Variants in BDNF observed in about 807,000 individuals in gnomAD.
BDNF encodes neurotrophic factor BDNF precursor form.
A neutral mutation model predicts 19.5 loss-of-function variants in BDNF; 1 was observed. The observed-to-expected ratio is 0.05, with a 90% confidence interval of 0.02 to 0.24. The LOEUF is 0.24. Among genes scored for constraint, BDNF ranks in the 10% least tolerant of loss-of-function variants. BDNF has a pLI of 1.00. For synonymous variants in BDNF, 100 were observed against 121.6 expected (o/e 0.82, Z 1.17); for missense variants, 195 against 317.6 (o/e 0.61, Z 2.93).
intron 1 of BDNF, among the ~76,000 whole-genome samples, chr11:27,709,121 G>A (rs1018572406): frequency 1.1e-4 from 17 of 152,130 alleles, no homozygotes; most frequent in African/African-American, 3.6e-4. Context: ...GAGCCACCGC[G>A]CCTGGCTAGA....
chr11:27,666,928 G>T (rs1854450675), intron 1 of BDNF, among the ~76,000 whole-genome samples: 2 of 152,036 alleles, frequency 1.3e-5, no homozygotes, highest in South Asian at 4.2e-4. Context: ...ATGCCGCAAA[G>T]ATACTCCTCA....
At chr11:27,699,656 A>T in intron 1 of BDNF, 1 of 1,428,020 alleles carries the variant, frequency 7.0e-7, no homozygotes, top group Non-Finnish European at 9.1e-7. Flanking sequence ...CCTGGGGAGC[A>T]GGTAGCCGTG....
chr11:27,658,658 T>C lies in BDNF; in HGVS notation c.-21-73A>G. On this transcript the variant is annotated intron_variant, in intron 1 of 1. Transcript: ENST00000356660. This position sits in a 1 kb window ranked among gnomAD's most constrained non-coding sequence, Gnocchi z 5.7. ...TTTCACCGGGATGCCATGTGGCCCA[T>C]CTGATTGTAATTCCAGGCCATTCTG... 6.2e-7 allele frequency: 1 copy of C among 1,612,964 alleles called. No homozygotes were observed. Among genetic ancestry groups the C allele is most frequent in the Admixed American group, 1.7e-5 (1 of 59,914 alleles).
chr11:27,656,964 G>GA lies in BDNF; in HGVS notation c.*856dup. ...AGAGGAGACCAGAGGGGGAGGGGGGGAAAGAATGTGTTCTGAGCAAACATA... is the reference window on the plus strand; with the variant it reads ...AGAGGAGACCAGAGGGGGAGGGGGGGAAAAGAATGTGTTCTGAGCAAACATA... On this transcript the variant is annotated 3_prime_UTR_variant, in exon 2 of 2. Coordinates refer to ENST00000356660, the MANE Select transcript of BDNF (RefSeq NM_001709.5). 1.0e-6 allele frequency: 1 copy of GA among 985,280 alleles called. No homozygotes were observed. Among genetic ancestry groups the GA allele is most frequent in the Non-Finnish European group, 1.2e-6 (1 of 829,912 alleles). The allele number at this position is 985,280 out of a possible 1,614,324, so 61.0% of individuals were successfully genotyped here.
intron 1 of BDNF, among the ~76,000 whole-genome samples, chr11:27,662,533 G>A (rs1320204330): frequency 6.6e-6 from 1 of 152,162 alleles, no homozygotes; most frequent in Non-Finnish European, 1.5e-5. Flanking sequence ...TTGGCAGCAG[G>A]AACCAGTTTT....
intron 1 of BDNF, among the ~76,000 whole-genome samples, chr11:27,685,877 TG>T (rs1204452503): frequency 6.7e-6 from 1 of 149,998 alleles, no homozygotes; most frequent in Admixed American, 6.7e-5. Flanking sequence ...TATATTCTGT[TG>T]ATATGGGGTG....
intron 1 of BDNF, among the ~76,000 whole-genome samples, chr11:27,711,893 T>C (rs1013588854): frequency 2.2e-4 from 34 of 152,320 alleles, no homozygotes; most frequent in South Asian, 2.1e-4. Context: ...TCTTAAGCAA[T>C]GCTGAGTTAA....
At chr11:27,712,840 G>A (rs1860388439) in intron 1 of BDNF, among the ~76,000 whole-genome samples, 1 of 151,316 alleles carries the variant, frequency 6.6e-6, no homozygotes, top group African/African-American at 2.4e-5. Context: ...TATGAGAAGG[G>A]TTTACATAAG....
intron 1 of BDNF, among the ~76,000 whole-genome samples, chr11:27,682,117 G>C (rs1244558672): frequency 6.6e-6 from 1 of 152,084 alleles, no homozygotes; most frequent in African/African-American, 2.4e-5. Flanking sequence ...TCTAATGCAA[G>C]TACTTGGATA....
At chr11:27,699,824 T>A (rs931622259) in intron 1 of BDNF, among the ~76,000 whole-genome samples, 8 of 152,048 alleles carry the variant, frequency 5.3e-5, no homozygotes, top group African/African-American at 1.9e-4. Context: ...GCCCCCTAAG[T>A]CTCTCTCGAC....
chr11:27,668,667 T>A (rs1297638386), intron 1 of BDNF, among the ~76,000 whole-genome samples: 2 of 151,984 alleles, frequency 1.3e-5, no homozygotes, highest in Non-Finnish European at 2.9e-5. Context: ...CTAAAAGAAA[T>A]TTATAAATTC....
At chr11:27,689,365 A>G (rs950991107) in intron 1 of BDNF, among the ~76,000 whole-genome samples, 7 of 152,344 alleles carry the variant, frequency 4.6e-5, no homozygotes, top group Admixed American at 3.9e-4. Context: ...ATGTCTGCCA[A>G]TCTTTTTTAT....
chr11:27,700,800 T>A (rs1254834789), upstream of BDNF: 22 of 1,205,458 alleles, frequency 1.8e-5, no homozygotes, highest in Non-Finnish European at 2.3e-5. Context: ...GAACCCCGCG[T>A]CCCGCGCCCT....
intron 1 of BDNF, among the ~76,000 whole-genome samples, chr11:27,672,892 T>C (rs983013992): frequency 6.6e-6 from 1 of 152,176 alleles, no homozygotes; most frequent in African/African-American, 2.4e-5. Context: ...ACTGGTCCAC[T>C]GTTCAGGCTT....
At chr11:27,707,947 C>T (rs778270686) in intron 1 of BDNF, among the ~76,000 whole-genome samples, 4 of 152,110 alleles carry the variant, frequency 2.6e-5, no homozygotes, top group Admixed American at 6.6e-5. Flanking sequence ...ATTTCTGAGA[C>T]ACAAACTAAG....
chr11:27,711,516 G>C (rs377044525), intron 1 of BDNF, among the ~76,000 whole-genome samples: 2 of 152,196 alleles, frequency 1.3e-5, no homozygotes, highest in Non-Finnish European at 2.9e-5. Flanking sequence ...AAGAAAATGT[G>C]TATGTAAACC....
intron 1 of BDNF, among the ~76,000 whole-genome samples, chr11:27,672,522 G>C (rs1723324374): frequency 6.6e-6 from 1 of 152,102 alleles, no homozygotes; most frequent in African/African-American, 2.4e-5. Flanking sequence ...GACTTGTCCT[G>C]AAACCAACAG....
In BDNF at chr11:27,657,710, T is replaced by C. The variant is rs1852758259; in HGVS notation, c.*111A>G. ...GTACTGTATAAACTTCATTTATACA[T>C]GCAGTTCATAAAATTATTTTTTTCT... On this transcript the variant is annotated 3_prime_UTR_variant, in exon 2 of 2. Transcript: ENST00000356660. The surrounding 1 kb of genome is among the most constrained non-coding windows in gnomAD (Gnocchi z 5.0). The C allele has an allele frequency of 6.6e-7, 1 of 1,524,430 alleles. No individual in the cohort carries two copies. Among genetic ancestry groups the C allele is most frequent in the Admixed American group, 2.0e-5 (1 of 50,506 alleles). 94.4% of individuals were successfully genotyped at this position (1,524,430 alleles called of 1,614,324 possible).
intron 1 of BDNF, chr11:27,659,050 C>T: frequency 3.8e-6 from 4 of 1,044,342 alleles, no homozygotes; most frequent in East Asian, 9.4e-5. Flanking sequence ...ACAGCAGTGG[C>T]CTGAGGGGTC....
Sources: allele counts gnomAD v4.1 joint callset (sites outside exome capture counted in the v4.1 genomes callset), GRCh38; gene constraint gnomAD v4.1.1; non-coding constraint Gnocchi (gnomAD v3.1); transcripts MANE v1.5; gene names NCBI Gene and HGNC (gene_info 2026-07-23, HGNC 2026-07-21).